The following TMTC2 variants were observed in gnomAD, a reference collection of about 807,000 sequenced individuals.
The protein encoded by TMTC2 is protein O-mannosyl-transferase TMTC2.
A neutral mutation model predicts 82.4 loss-of-function variants in TMTC2; 43 were observed. That is an observed-to-expected ratio of 0.52 (90% CI 0.41 to 0.67). The LOEUF is 0.67. Among genes scored for constraint, TMTC2 ranks in the 30% least tolerant of loss-of-function variants. TMTC2 has a pLI of 0.00. For synonymous variants in TMTC2, 408 were observed against 381.9 expected (o/e 1.07, Z -0.80); for missense variants, 919 against 1,012.4 (o/e 0.91, Z 1.25).
intron 3 of TMTC2, among the ~76,000 whole-genome samples, chr12:82,906,884 A>G (rs1408220575): frequency 6.6e-6 from 1 of 152,142 alleles, no homozygotes; most frequent in Non-Finnish European, 1.5e-5. Context: ...ATTGAGAGAC[A>G]AATAGCAGGA....
intron 4 of TMTC2, among the ~76,000 whole-genome samples, chr12:82,944,882 T>C (rs1378755615): frequency 6.6e-6 from 1 of 152,076 alleles, no homozygotes; most frequent in Admixed American, 6.5e-5. Context: ...ATTCAGAGAG[T>C]GAATTTATCT....
intron 8 of TMTC2, among the ~76,000 whole-genome samples, chr12:83,000,220 C>T (rs1288816550): frequency 6.6e-6 from 1 of 152,084 alleles, no homozygotes; most frequent in South Asian, 2.1e-4. Context: ...CTGCAACCTC[C>T]ACCTCCCTAG....
chr12:82,918,510 G>T (rs1013071687), intron 3 of TMTC2, among the ~76,000 whole-genome samples: 5 of 152,202 alleles, frequency 3.3e-5, no homozygotes, highest in Admixed American at 3.3e-4. Flanking sequence ...AATTTGTAAG[G>T]TTTAAAATGA....
At chr12:82,932,182 T>C (rs1318281543) in intron 4 of TMTC2, among the ~76,000 whole-genome samples, 2 of 152,148 alleles carry the variant, frequency 1.3e-5, no homozygotes, top group Non-Finnish European at 2.9e-5. Flanking sequence ...AAAATCTAGA[T>C]ATTTAAGGGA....
chr12:83,014,417 G>C (rs181924032), intron 8 of TMTC2, among the ~76,000 whole-genome samples: 3,369 of 152,224 alleles, frequency 0.022, 130 homozygotes, highest in African/African-American at 0.076. Flanking sequence ...CTCAGCTCAT[G>C]CAACCTCCGC....
intron 11 of TMTC2, among the ~76,000 whole-genome samples, chr12:83,083,817 A>G (rs530333394): frequency 6.6e-6 from 1 of 152,328 alleles, no homozygotes; most frequent in African/African-American, 2.4e-5. Context: ...ACAAGACAGC[A>G]GTCTTTTACA....
chr12:82,922,613 G>T (rs148056913), intron 3 of TMTC2, among the ~76,000 whole-genome samples: 1 of 149,722 alleles, frequency 6.7e-6, no homozygotes, highest in Admixed American at 6.6e-5. Flanking sequence ...TCTTAACTTC[G>T]TTTTCTCTTT....
intron 11 of TMTC2, among the ~76,000 whole-genome samples, chr12:83,121,142 C>T (rs1016903870): frequency 6.6e-6 from 1 of 152,130 alleles, no homozygotes; most frequent in Non-Finnish European, 1.5e-5. Flanking sequence ...CTCCTGAATT[C>T]TTTTGCAGGT....
At chr12:82,858,646 C>CT (rs777246202) in intron 2 of TMTC2, among the ~76,000 whole-genome samples, 142 of 144,378 alleles carry the variant, frequency 9.8e-4, no homozygotes, top group Non-Finnish European at 1.0e-3. Context: ...TTTAAATGCC[C>CT]TTTTTTTTTT....
rs188997103 is a variant in TMTC2 at position 83,119,865 on chromosome 12, G to A, written c.2332-12345G>A. 8.1e-4 allele frequency among the ~76,000 whole-genome samples: 123 copies of A among 152,178 alleles called. 1 individual carries two copies. The highest frequency in any genetic ancestry group is 7.1e-3 in the Admixed American group (108 of 15,286). On this transcript the variant is annotated intron_variant, in intron 11 of 11. Coordinates refer to ENST00000321196, the MANE Select transcript of TMTC2 (RefSeq NM_152588.3). ...TTTAGGATTGTGATATTTTTCTGTT[G>A]GACAAGGCTTTTTATCATTATGTAA...
chr12:83,009,537 T>TC (rs768622743), intron 8 of TMTC2, among the ~76,000 whole-genome samples: 2 of 152,114 alleles, frequency 1.3e-5, no homozygotes, highest in Non-Finnish European at 2.9e-5. Context: ...CAAACTCAGT[T>TC]CTCTGATAGA....
Position 82,779,563 on chromosome 12 carries a change from A to C in TMTC2, c.84-77447A>C, listed in dbSNP as rs546071425. 8.5e-5 allele frequency among the ~76,000 whole-genome samples: 13 copies of C among 152,294 alleles called. No individual in the cohort carries two copies. In the South Asian group the frequency reaches 2.7e-3, roughly 32 times the overall value. On this transcript the variant is annotated intron_variant, in intron 1 of 11. Coordinates refer to ENST00000321196, the MANE Select transcript of TMTC2 (RefSeq NM_152588.3). The stretch of plus-strand genomic sequence containing the variant: ...TAGTGAAGATGTGATAATAGATGGC[A>C]TCTTTTCACAATTTAACTTAGTGTA...
intron 1 of TMTC2, among the ~76,000 whole-genome samples, chr12:82,757,953 C>T (rs749549230): frequency 6.6e-6 from 1 of 152,098 alleles, no homozygotes; most frequent in Non-Finnish European, 1.5e-5. Flanking sequence ...CAAAGGATTA[C>T]GTGAGACTCT....
At chr12:82,871,913 C>A (rs1332783300) in intron 2 of TMTC2, among the ~76,000 whole-genome samples, 1 of 151,762 alleles carries the variant, frequency 6.6e-6, no homozygotes, top group Non-Finnish European at 1.5e-5. Context: ...CAAACACCTG[C>A]TCTCTCAGGA....
chr12:82,975,862 ATTC>A (rs1186682805), intron 7 of TMTC2, among the ~76,000 whole-genome samples: 2 of 147,622 alleles, frequency 1.4e-5, no homozygotes, highest in Non-Finnish European at 3.0e-5. Flanking sequence ...GTATTCATGC[ATTC>A]TTTTTTCCTT....
intron 3 of TMTC2, among the ~76,000 whole-genome samples, chr12:82,898,014 C>T (rs751270689): frequency 1.3e-5 from 2 of 152,084 alleles, no homozygotes; most frequent in Non-Finnish European, 2.9e-5. Context: ...CTTTGGCATG[C>T]TTGTCTGATG....
At chr12:82,960,390 A>G (rs1877864319) in intron 4 of TMTC2, among the ~76,000 whole-genome samples, 1 of 152,070 alleles carries the variant, frequency 6.6e-6, no homozygotes, top group Non-Finnish European at 1.5e-5. Context: ...AGGTTCTGTT[A>G]ATGATGGACT....
intron 1 of TMTC2, among the ~76,000 whole-genome samples, chr12:82,824,710 A>G (rs1869309574): frequency 6.6e-6 from 1 of 152,212 alleles, no homozygotes; most frequent in Admixed American, 6.5e-5. Flanking sequence ...AATTATGGAA[A>G]TTAGTATTTG....
intron 11 of TMTC2, among the ~76,000 whole-genome samples, chr12:83,102,039 A>T (rs1007856878): frequency 1.3e-5 from 2 of 152,240 alleles, no homozygotes; most frequent in African/African-American, 4.8e-5. Flanking sequence ...TGCAATGGAC[A>T]GTAATACATG....
Sources: allele counts gnomAD v4.1 joint callset (sites outside exome capture counted in the v4.1 genomes callset), GRCh38; gene constraint gnomAD v4.1.1; transcripts MANE v1.5; gene names NCBI Gene and HGNC (gene_info 2026-07-23, HGNC 2026-07-21).